Variants in FUT9 observed in about 807,000 individuals in gnomAD.
FUT9 encodes 4-galactosyl-N-acetylglucosaminide 3-alpha-L-fucosyltransferase 9.
A neutral mutation model predicts 29.7 loss-of-function variants in FUT9; 15 were observed. The ratio of observed to expected loss-of-function variants is 0.51; its 90% CI spans 0.34 to 0.78. FUT9 has a LOEUF of 0.78. Ranked by LOEUF, FUT9 falls within the 30% of genes least tolerant of loss-of-function variation. The probability of loss-of-function intolerance (pLI) is 0.01; values close to 1 mark genes in which losing one functional copy is unlikely to be tolerated. For synonymous variants in FUT9, 169 were observed against 153.7 expected (o/e 1.10, Z -0.74); for missense variants, 319 against 425.4 (o/e 0.75, Z 2.20).
chr6:96,164,568 C>T (rs1269684596), intron 2 of FUT9, among the ~76,000 whole-genome samples: 3 of 152,106 alleles, frequency 2.0e-5, no homozygotes, highest in Non-Finnish European at 4.4e-5. Context: ...TAGCAGGCTT[C>T]AGAAAGAATA....
chr6:96,172,469 C>T (rs1411640829), intron 2 of FUT9, among the ~76,000 whole-genome samples: 1 of 152,058 alleles, frequency 6.6e-6, no homozygotes, highest in African/African-American at 2.4e-5. Flanking sequence ...GTTGTTACAT[C>T]TTTTTGGAAA....
chr6:96,034,073 G>A (rs1446164835), intron 1 of FUT9, among the ~76,000 whole-genome samples: 2 of 151,530 alleles, frequency 1.3e-5, no homozygotes, highest in Admixed American at 1.3e-4. Flanking sequence ...TGCTGGATAA[G>A]CAGGGTCAAA....
intron 2 of FUT9, among the ~76,000 whole-genome samples, chr6:96,143,498 C>G (rs932352474): frequency 4.0e-5 from 6 of 151,654 alleles, no homozygotes; most frequent in African/African-American, 1.5e-4. Flanking sequence ...TCCTTCCATC[C>G]TTCCTTTCTT....
At chr6:96,104,718 G>A (rs1210240064) in intron 1 of FUT9, among the ~76,000 whole-genome samples, 3 of 152,092 alleles carry the variant, frequency 2.0e-5, no homozygotes, top group Non-Finnish European at 4.4e-5. Context: ...TTTCAGTAGA[G>A]ACGGAGTTTC....
chr6:96,055,096 T>C (rs1005849445), intron 1 of FUT9, among the ~76,000 whole-genome samples: 6 of 152,176 alleles, frequency 3.9e-5, no homozygotes, highest in African/African-American at 1.4e-4. Flanking sequence ...ATTTCCAAAT[T>C]CATTAAATTC....
chr6:96,108,210 G>C (rs188561597), intron 1 of FUT9, among the ~76,000 whole-genome samples: 1 of 151,870 alleles, frequency 6.6e-6, no homozygotes, highest in Non-Finnish European at 1.5e-5. Flanking sequence ...GGACTGTGAG[G>C]GGAAAATTTT....
At chr6:96,177,897 A>G (rs1012155148) in intron 2 of FUT9, among the ~76,000 whole-genome samples, 1 of 152,176 alleles carries the variant, frequency 6.6e-6, no homozygotes, top group Non-Finnish European at 1.5e-5. Context: ...TTACTCTTCC[A>G]TTAGAATTAC....
At chr6:96,159,985 A>G (rs959879137) in intron 2 of FUT9, among the ~76,000 whole-genome samples, 3 of 152,178 alleles carry the variant, frequency 2.0e-5, no homozygotes, top group Non-Finnish European at 4.4e-5. Flanking sequence ...TTAAATTTAT[A>G]TTATCAACGA....
At chr6:96,060,315 T>G (rs1333611542) in intron 1 of FUT9, among the ~76,000 whole-genome samples, 1 of 152,188 alleles carries the variant, frequency 6.6e-6, no homozygotes, top group Non-Finnish European at 1.5e-5. Context: ...TACCAAAGAA[T>G]ATTTCAGTAA....
At chr6:96,105,914 T>G (rs1356216974) in intron 1 of FUT9, among the ~76,000 whole-genome samples, 1 of 152,214 alleles carries the variant, frequency 6.6e-6, no homozygotes, top group African/African-American at 2.4e-5. Context: ...AGCCATTAGA[T>G]GATTCTTATG....
rs956542927 is a variant in FUT9, at chr6:96,207,154, T to C, written c.*2919T>C. ...TTTATAATTGCTATAATATAGAAAT[T>C]ATAATTGCTTTTCTTTCTACTTATG... On this transcript the variant is annotated 3_prime_UTR_variant, in exon 3 of 3. Transcript: ENST00000302103. 1.2e-5 allele frequency: 2 copies of C among 165,954 alleles called. No individual in the cohort carries two copies. The highest frequency in any genetic ancestry group is 4.8e-5 in the African/African-American group (2 of 41,506). The allele number at this position is 165,954 out of a possible 1,614,324, so 10.3% of individuals were successfully genotyped here. A position where few individuals can be genotyped will look rare whatever the true frequency, so the allele number is the denominator to read the frequency against.
At chr6:96,178,048 G>A (rs180817663) in intron 2 of FUT9, among the ~76,000 whole-genome samples, 1 of 152,190 alleles carries the variant, frequency 6.6e-6, no homozygotes, top group African/African-American at 2.4e-5. Flanking sequence ...AACAAATTCT[G>A]GGGTCCACCT....
Position 96,213,305 on chromosome 6 carries a change from T to C in FUT9, c.*9070T>C, listed in dbSNP as rs1773975101. 6.0e-6 allele frequency: 1 copy of C among 166,854 alleles called. No homozygotes were observed. The allele number at this position is 166,854 out of a possible 1,614,324, so 10.3% of individuals were successfully genotyped here. ...GCACATATAGACACACATATGCCAA[T>C]ATCTTTTTTATGTAGTTCAAGTATA... is the stretch of plus-strand genomic sequence containing the variant. On this transcript the variant is annotated 3_prime_UTR_variant, in exon 3 of 3. Coordinates refer to ENST00000302103, the MANE Select transcript of FUT9 (RefSeq NM_006581.4).
intron 2 of FUT9, among the ~76,000 whole-genome samples, chr6:96,150,602 T>C (rs762379270): frequency 1.3e-4 from 20 of 152,022 alleles, no homozygotes; most frequent in Non-Finnish European, 2.5e-4. Context: ...GTGTGTAGGA[T>C]GGATTGAAGG....
intron 2 of FUT9, among the ~76,000 whole-genome samples, chr6:96,144,715 G>A (rs185328466): frequency 2.5e-4 from 38 of 152,230 alleles, no homozygotes; most frequent in African/African-American, 8.4e-4. Context: ...CATAGTTTAA[G>A]TGGAATTATT....
intron 1 of FUT9, among the ~76,000 whole-genome samples, chr6:96,079,458 T>G (rs1771199207): frequency 6.6e-6 from 1 of 152,194 alleles, no homozygotes; most frequent in African/African-American, 2.4e-5. Flanking sequence ...GATATTCCTC[T>G]CTGTTTCCCA....
At chr6:96,198,891 TG>T (rs1276229823) in intron 2 of FUT9, among the ~76,000 whole-genome samples, 1 of 152,198 alleles carries the variant, frequency 6.6e-6, no homozygotes, top group African/African-American at 2.4e-5. Context: ...TTTTTTCATG[TG>T]TTTTTTGGCT....
At chr6:96,065,477 T>C (rs2127945707) in intron 1 of FUT9, among the ~76,000 whole-genome samples, 1 of 152,308 alleles carries the variant, frequency 6.6e-6, no homozygotes, top group Non-Finnish European at 1.5e-5. Context: ...CTCAGTTCTC[T>C]AAGTAATTGG....
At chr6:96,104,322 A>G (rs1390603434) in intron 1 of FUT9, among the ~76,000 whole-genome samples, 2 of 152,156 alleles carry the variant, frequency 1.3e-5, no homozygotes, top group Non-Finnish European at 2.9e-5. Flanking sequence ...TAATGTTTTC[A>G]CTTTTAGAGT....
Sources: gnomAD v4.1 joint callset for allele counts (sites outside exome capture counted in the v4.1 genomes callset) on GRCh38, gnomAD v4.1.1 for gene constraint, MANE v1.5 for transcripts, NCBI Gene and HGNC (gene_info 2026-07-23, HGNC 2026-07-21) for gene names.